The following SOAT1 variants were observed in gnomAD, a reference collection of about 807,000 sequenced individuals.
SOAT1 encodes the protein acyl-coenzyme A:cholesterol acyltransferase 1.
SOAT1 carries 55 observed loss-of-function variants against 69.5 expected under a neutral mutation model. That is an observed-to-expected ratio of 0.79 (90% confidence interval 0.64 to 0.99). SOAT1 has a LOEUF of 0.99. Among genes scored for constraint, SOAT1 ranks in the 50% least tolerant of loss-of-function variants. The probability of loss-of-function intolerance (pLI) is 0.00; values close to 1 mark genes in which losing one functional copy is unlikely to be tolerated. For synonymous variants in SOAT1, 231 were observed against 224.7 expected, an observed-to-expected ratio of 1.03 and a Z score of -0.25; for missense variants, 580 against 669.3, an observed-to-expected ratio of 0.87 and a Z score of 1.47.
chr1:179,311,501 C>G (rs555217191), intron 2 of SOAT1, among the ~76,000 whole-genome samples: 2 of 152,174 alleles, frequency 1.3e-5, no homozygotes, highest in East Asian at 3.9e-4. Context: ...GTGTAAAATT[C>G]TTTCTCAGAA....
chr1:179,321,513 A>G (rs74729080), intron 2 of SOAT1, among the ~76,000 whole-genome samples: 19,286 of 152,202 alleles, frequency 0.13, 1,677 homozygotes, highest in Non-Finnish European at 0.2. Flanking sequence ...TTAAGACTGT[A>G]TAACATAATG....
intron 12 of SOAT1, among the ~76,000 whole-genome samples, chr1:179,347,953 T>C (rs967850856): frequency 2.0e-5 from 3 of 152,226 alleles, no homozygotes; most frequent in Non-Finnish European, 4.4e-5. Flanking sequence ...CAAGGATATA[T>C]TGGTGATTCC....
At chr1:179,351,201 G>A (rs1571461200) in intron 14 of SOAT1, 116 bp from the exon 15 acceptor site, 2 of 817,914 alleles carry the variant, frequency 2.4e-6, no homozygotes, top group Non-Finnish European at 2.0e-6. Flanking sequence ...ACACCACCAC[G>A]CCTGGCTAAT....
At chr1:179,353,223 A>AAATATATAAATATATATATATT (rs1558061830) in intron 15 of SOAT1, among the ~76,000 whole-genome samples, 2 of 124,914 alleles carry the variant, frequency 1.6e-5, no homozygotes, top group African/African-American at 6.0e-5. Flanking sequence ...ATATATATAT[A>AAATATATAAATATATATATATT]TCTATTTGTC....
At chr1:179,315,047 A>G (rs1206287068) in intron 2 of SOAT1, among the ~76,000 whole-genome samples, 2 of 152,194 alleles carry the variant, frequency 1.3e-5, no homozygotes, top group African/African-American at 4.8e-5. Flanking sequence ...GAGGCAAATG[A>G]TTCCGAAATT....
intron 2 of SOAT1, among the ~76,000 whole-genome samples, chr1:179,310,426 A>G (rs1287971426): frequency 2.6e-5 from 4 of 152,136 alleles, no homozygotes; most frequent in Admixed American, 6.6e-5. Flanking sequence ...CTGTTTCTGT[A>G]TGAACATGCA....
chr1:179,342,083 A>AAG lies in SOAT1; in HGVS notation c.781-27_781-26dup, dbSNP rs1488866712. 1.9e-6 allele frequency: 3 copies of AAG among 1,612,692 alleles called. No individual in the cohort carries two copies. In the African/African-American group the frequency reaches 4.0e-5, roughly 22 times the overall value. On this transcript the variant is annotated intron_variant, in intron 7 of 15. Transcript: ENST00000367619. ...GGACACTTGCAGGAGACTTTCTTTG[A>AAG]AGAGACATCTTTTTCCTCCTGCTTT...
chr1:179,311,209 A>T (rs1230644880), intron 2 of SOAT1, among the ~76,000 whole-genome samples: 2 of 152,042 alleles, frequency 1.3e-5, no homozygotes. Flanking sequence ...TTACAAAAGT[A>T]AAAAAAGTTA....
Position 179,343,610 on chromosome 1 carries a change from G to A in SOAT1, c.962G>A (p.Gly321Asp). The A allele has an allele frequency of 6.2e-7, 1 of 1,611,838 alleles. No individual in the cohort carries two copies. The highest frequency in any genetic ancestry group is 1.1e-5 in the South Asian group (1 of 90,770). ...SYPRNPTVRWGYVAMKFAQVF... is the reference protein window; with the variant it reads ...SYPRNPTVRWDYVAMKFAQVF... ...TTCAGGAATCCCACTGTAAGATGGG[G>A]TTATGTCGCTATGAAGTTTGCACAG... The change falls in exon 10 of 16, where the codon GGT becomes GAT. Residue 321 changes from glycine to aspartate, a missense_variant. Gly to Asp is a moderately conservative substitution (Grantham distance 94). Transcript: ENST00000367619.
At chr1:179,348,760 ATGTGTGTGTGTGTGTGTGTGTGTG>A (rs71111912) in intron 12 of SOAT1, 60 bp from the exon 13 acceptor site, 104,516 of 591,706 alleles carry the variant, frequency 0.18, 6,184 homozygotes, top group East Asian at 0.33. Flanking sequence ...TTCGGGTGGG[ATGTGTGTGTGTGTGTGTGTGTGTG>A]TGTGTGTGTG....
chr1:179,339,460 A>C lies in SOAT1; in HGVS notation c.412A>C (p.Ile138Leu). The C allele has an allele frequency of 1.9e-6, 3 of 1,611,498 alleles. No individual in the cohort carries two copies. The highest frequency in any genetic ancestry group is 2.5e-6 in the Non-Finnish European group (3 of 1,178,558). Residue 138 changes from isoleucine (I) to leucine (L), a missense_variant, in exon 6 of 16, where the codon ATC becomes CTC. Ile to Leu is a conservative substitution (Grantham distance 5). Coordinates refer to ENST00000367619, the MANE Select transcript of SOAT1 (RefSeq NM_003101.6). Reference sequence around the variant, plus strand: ...CAGTGAACTGCTTGAAGTGGACCACATCAGAACAATATATCACATGTTTAT... The same window carrying C: ...CAGTGAACTGCTTGAAGTGGACCACCTCAGAACAATATATCACATGTTTAT... ...LLDELLEVDH[I>L]RTIYHMFIAL...
chr1:179,353,224 T>TATATATAA (rs1558061836), intron 15 of SOAT1, among the ~76,000 whole-genome samples: 2 of 102,848 alleles, frequency 1.9e-5, no homozygotes, highest in African/African-American at 6.9e-5. Context: ...TATATATATA[T>TATATATAA]CTATTTGTCG....
chr1:179,338,838 A>C (rs1012390130), intron 5 of SOAT1, among the ~76,000 whole-genome samples: 2 of 152,126 alleles, frequency 1.3e-5, no homozygotes, highest in Non-Finnish European at 2.9e-5. Flanking sequence ...TGGTCCAGAG[A>C]TTGAGTAGTA....
chr1:179,313,983 A>G (rs1558041351), intron 2 of SOAT1, among the ~76,000 whole-genome samples: 2 of 152,228 alleles, frequency 1.3e-5, no homozygotes, highest in African/African-American at 4.8e-5. Flanking sequence ...TATTAAATAC[A>G]ATATTGTCAA....
intron 3 of SOAT1, among the ~76,000 whole-genome samples, chr1:179,324,855 T>C (rs1465611820): frequency 6.6e-6 from 1 of 152,200 alleles, no homozygotes; most frequent in Non-Finnish European, 1.5e-5. Flanking sequence ...CAGGCTAGAG[T>C]GCAGTGGCAC....
chr1:179,300,198 C>CA (rs1664789747), intron 1 of SOAT1, among the ~76,000 whole-genome samples: 1 of 151,848 alleles, frequency 6.6e-6, no homozygotes, highest in Non-Finnish European at 1.5e-5. Context: ...CCCATTATTC[C>CA]TTGTAAAATT....
chr1:179,317,677 CGTT>C (rs1180820825), intron 2 of SOAT1, among the ~76,000 whole-genome samples: 1 of 146,004 alleles, frequency 6.8e-6, no homozygotes, highest in African/African-American at 2.5e-5. Context: ...GCAAACTAGA[CGTT>C]GTGGTTTTCT....
intron 2 of SOAT1, among the ~76,000 whole-genome samples, chr1:179,318,889 A>T: frequency 6.6e-6 from 1 of 152,088 alleles, no homozygotes; most frequent in Non-Finnish European, 1.5e-5. Flanking sequence ...TTCTATTATT[A>T]TGACTAATGC....
chr1:179,300,732 T>G (rs976302196), intron 1 of SOAT1, among the ~76,000 whole-genome samples: 13 of 152,342 alleles, frequency 8.5e-5, no homozygotes, highest in African/African-American at 3.1e-4. Flanking sequence ...ATTTCACAGT[T>G]GTTTTCTTCT....
Sources: gnomAD v4.1 joint callset for allele counts (sites outside exome capture counted in the v4.1 genomes callset) on GRCh38, gnomAD v4.1.1 for gene constraint, MANE v1.5 for transcripts, NCBI Gene and HGNC (gene_info 2026-07-23, HGNC 2026-07-21) for gene names.